ZCCHC7: variants seen among roughly 807,000 people sequenced by gnomAD.
ZCCHC7 encodes the protein zinc finger CCHC-type containing 7.
In ZCCHC7, 35 loss-of-function variants were observed where a neutral mutation model predicts 52.0. The ratio of observed to expected loss-of-function variants is 0.67; its 90% CI spans 0.51 to 0.89. The LOEUF (loss-of-function observed/expected upper bound fraction) is 0.89. Among genes scored for constraint, ZCCHC7 ranks in the 40% least tolerant of loss-of-function variants. The pLI is 0.00. For missense variants in ZCCHC7, 574 were observed against 649.1 expected, an observed-to-expected ratio of 0.88 and a Z score of 1.26; for synonymous variants, 217 against 221.5, an observed-to-expected ratio of 0.98 and a Z score of 0.18.
chr9:37,340,367 G>T (rs1376086667), intron 6 of ZCCHC7, among the ~76,000 whole-genome samples: 1 of 147,850 alleles, frequency 6.8e-6, no homozygotes, highest in Non-Finnish European at 1.5e-5. Context: ...TAATCTCCAA[G>T]ATATCACCCT....
At chr9:37,267,567 T>C (rs1217727611) in intron 2 of ZCCHC7, among the ~76,000 whole-genome samples, 1 of 87,222 alleles carries the variant, frequency 1.1e-5, no homozygotes, top group Non-Finnish European at 2.2e-5. Flanking sequence ...TAATTTTTTC[T>C]TTTTTTTTTT....
intron 5 of ZCCHC7, 108 bp from the exon 6 acceptor site, chr9:37,327,691 C>T: frequency 1.7e-6 from 2 of 1,202,960 alleles, no homozygotes; most frequent in African/African-American, 1.5e-5. Context: ...TGTTAAGCTT[C>T]TTATTTTCCT....
chr9:37,199,680 CTGTCTGTCTT>C (rs1823511766), intron 2 of ZCCHC7, among the ~76,000 whole-genome samples: 1 of 68,366 alleles, frequency 1.5e-5, no homozygotes, highest in South Asian at 4.7e-4. Flanking sequence ...TTCTCTCTGT[CTGTCTGTCTT>C]TCTGTCTGTC....
In ZCCHC7 at chr9:37,170,820, A is replaced by G. The variant is rs773248234; in HGVS notation, c.610+43878A>G. ...CCAACCTTTTAAAACAACTTCAGTA[A>G]TAGCACCTTTCTTAACCTCTGGGGT... On this transcript the variant is annotated intron_variant, in intron 2 of 8. Coordinates refer to ENST00000336755, the MANE Select transcript of ZCCHC7 (RefSeq NM_032226.3). 6.2e-4 allele frequency among the ~76,000 whole-genome samples: 94 copies of G among 152,172 alleles called. 2 individuals are homozygous for G. The highest frequency in any genetic ancestry group is 1.0e-4 in the Non-Finnish European group (7 of 68,022).
intron 2 of ZCCHC7, among the ~76,000 whole-genome samples, chr9:37,204,824 G>GT (rs1554712129): frequency 2.6e-5 from 4 of 152,106 alleles, no homozygotes; most frequent in Non-Finnish European, 5.9e-5. Context: ...TTTTAAAGTA[G>GT]TTTTTTTCTG....
At chr9:37,142,305 C>G (rs1843263689) in intron 2 of ZCCHC7, among the ~76,000 whole-genome samples, 1 of 151,086 alleles carries the variant, frequency 6.6e-6, no homozygotes, top group Non-Finnish European at 1.5e-5. Context: ...TTGATTGTAC[C>G]TCATGGTTGT....
chr9:37,256,277 C>T (rs1016348707), intron 2 of ZCCHC7, among the ~76,000 whole-genome samples: 9 of 152,136 alleles, frequency 5.9e-5, no homozygotes, highest in Non-Finnish European at 1.0e-4. Flanking sequence ...TAGCCAACAG[C>T]CTACAATGGT....
intron 2 of ZCCHC7, among the ~76,000 whole-genome samples, chr9:37,198,015 T>C (rs1417842208): frequency 1.3e-5 from 2 of 152,212 alleles, no homozygotes; most frequent in African/African-American, 2.4e-5. Flanking sequence ...TGACAAAATT[T>C]GTAATTAAAT....
intron 2 of ZCCHC7, among the ~76,000 whole-genome samples, chr9:37,167,247 A>G (rs1821473140): frequency 6.8e-6 from 1 of 146,880 alleles, no homozygotes; most frequent in Non-Finnish European, 1.5e-5. Flanking sequence ...AATACCAGAT[A>G]TTGTAGCTTT....
intron 2 of ZCCHC7, among the ~76,000 whole-genome samples, chr9:37,230,567 AGG>A (rs1306937204): frequency 6.6e-6 from 1 of 152,208 alleles, no homozygotes; most frequent in Non-Finnish European, 1.5e-5. Context: ...TATTGGAGTT[AGG>A]TTGGTAGCAG....
chr9:37,178,015 T>A (rs1433560876), intron 2 of ZCCHC7, among the ~76,000 whole-genome samples: 1 of 152,182 alleles, frequency 6.6e-6, no homozygotes, highest in Non-Finnish European at 1.5e-5. Context: ...TTGTCAAATT[T>A]ACCATACTAA....
chr9:37,288,514 T>C (rs923627920), intron 2 of ZCCHC7, among the ~76,000 whole-genome samples: 2 of 152,066 alleles, frequency 1.3e-5, no homozygotes, highest in African/African-American at 4.8e-5. Context: ...AATATTTCTT[T>C]TGTGGTCAAA....
intron 2 of ZCCHC7, among the ~76,000 whole-genome samples, chr9:37,149,161 T>G (rs982394261): frequency 1.3e-5 from 2 of 152,214 alleles, no homozygotes; most frequent in African/African-American, 4.8e-5. Flanking sequence ...TTGTAATAGC[T>G]TAATTTCATT....
rs1391445456 is a variant in ZCCHC7 at position 37,201,330 on chromosome 9, T to C, written c.610+74388T>C. On this transcript the variant is annotated intron_variant, in intron 2 of 8. Transcript: ENST00000336755. ...ATCAAAGAGAAAAAGAGACAAAAAG[T>C]AATATGTATATGTGCCCTTCCACCT... Among the ~76,000 whole-genome samples the C allele has an allele frequency of 2.6e-5, 4 of 152,290 alleles. No individual in the cohort carries two copies. The East Asian group carries it at 7.7e-4, about 29-fold the overall frequency.
At chr9:37,155,149 A>G (rs955145718) in intron 2 of ZCCHC7, among the ~76,000 whole-genome samples, 1 of 152,166 alleles carries the variant, frequency 6.6e-6, no homozygotes, top group Non-Finnish European at 1.5e-5. Flanking sequence ...TCATGAGGTC[A>G]GGAGATCGAG....
chr9:37,338,560 A>G (rs1335298665), intron 6 of ZCCHC7, among the ~76,000 whole-genome samples: 1 of 152,200 alleles, frequency 6.6e-6, no homozygotes, highest in Admixed American at 6.5e-5. Context: ...GGAGGAAGTT[A>G]CAGAGATACA....
At chr9:37,197,226 G>A (rs1404325778) in intron 2 of ZCCHC7, among the ~76,000 whole-genome samples, 3 of 152,006 alleles carry the variant, frequency 2.0e-5, no homozygotes, top group African/African-American at 7.3e-5. Flanking sequence ...AGCTGCTACA[G>A]ATAAACTCTG....
intron 3 of ZCCHC7, among the ~76,000 whole-genome samples, chr9:37,302,897 C>T (rs1030091113): frequency 6.6e-6 from 1 of 152,012 alleles, no homozygotes; most frequent in South Asian, 2.1e-4. Flanking sequence ...TAAAAGGATT[C>T]CAGTGGAAAG....
At chr9:37,143,335 T>C (rs1358572618) in intron 2 of ZCCHC7, among the ~76,000 whole-genome samples, 1 of 151,848 alleles carries the variant, frequency 6.6e-6, no homozygotes, top group Non-Finnish European at 1.5e-5. Context: ...GGTAAGCCAA[T>C]GATGGTAAAA....
Sources: gnomAD v4.1 joint callset for allele counts (sites outside exome capture counted in the v4.1 genomes callset) on GRCh38, gnomAD v4.1.1 for gene constraint, MANE v1.5 for transcripts, NCBI Gene and HGNC (gene_info 2026-07-23, HGNC 2026-07-21) for gene names.